SYT14: variants seen among roughly 807,000 people sequenced by gnomAD.
The protein encoded by SYT14 is synaptotagmin-14.
In SYT14, 32 loss-of-function variants were observed where a neutral mutation model predicts 74.2. The observed-to-expected ratio is 0.43, with a 90% CI of 0.33 to 0.58. The LOEUF (loss-of-function observed/expected upper bound fraction) is 0.58. SYT14 is among the 20% of genes least tolerant of loss of function. SYT14 has a pLI of 0.05. For missense variants in SYT14, 791 were observed against 981.8 expected (o/e 0.81, Z 2.60); for synonymous variants, 298 against 337.7 (o/e 0.88, Z 1.29).
At chr1:210,114,591 A>G (rs1392731623) in intron 7 of SYT14, among the ~76,000 whole-genome samples, 1 of 151,272 alleles carries the variant, frequency 6.6e-6, no homozygotes, top group East Asian at 1.9e-4. Context: ...TTGTTGCCAA[A>G]CGGGCCATGA....
intron 5 of SYT14, among the ~76,000 whole-genome samples, chr1:210,050,205 C>T (rs957240555): frequency 2.0e-5 from 3 of 152,136 alleles, no homozygotes; most frequent in South Asian, 2.1e-4. Flanking sequence ...CCGCCAGATA[C>T]CCTAAATCAT....
At chr1:209,951,837 A>C (rs2078916965) in intron 1 of SYT14, among the ~76,000 whole-genome samples, 1 of 152,216 alleles carries the variant, frequency 6.6e-6, no homozygotes, top group Non-Finnish European at 1.5e-5. Flanking sequence ...AAGTAATAAA[A>C]TAGTTTGATC....
chr1:210,047,344 GT>G (rs967941862), intron 5 of SYT14, among the ~76,000 whole-genome samples: 1 of 151,732 alleles, frequency 6.6e-6, no homozygotes, highest in Non-Finnish European at 1.5e-5. Flanking sequence ...CTTAGGTATA[GT>G]TTTTTTTCAT....
chr1:210,036,029 A>G (rs776494324), intron 5 of SYT14, among the ~76,000 whole-genome samples: 3 of 152,048 alleles, frequency 2.0e-5, no homozygotes, highest in African/African-American at 4.8e-5. Flanking sequence ...AGTTCTTCCA[A>G]TCCCTGAGCA....
intron 7 of SYT14, among the ~76,000 whole-genome samples, chr1:210,151,760 G>T (rs777268805): frequency 2.2e-4 from 34 of 152,152 alleles, no homozygotes; most frequent in Non-Finnish European, 3.7e-4. Flanking sequence ...TACTAAAATA[G>T]AATGTGATCA....
At chr1:210,036,515 C>G (rs1032858629) in intron 5 of SYT14, among the ~76,000 whole-genome samples, 1 of 151,820 alleles carries the variant, frequency 6.6e-6, no homozygotes, top group Non-Finnish European at 1.5e-5. Context: ...TGTTCCAGTT[C>G]TTAAGGGGGA....
intron 2 of SYT14, chr1:209,966,125 C>G (rs112227356): frequency 3.8e-5 from 13 of 344,262 alleles, no homozygotes; most frequent in African/African-American, 2.6e-4. Context: ...CTGCCTCAAC[C>G]TCGCAAAGTG....
intron 2 of SYT14, among the ~76,000 whole-genome samples, chr1:210,001,035 C>T (rs185054891): frequency 6.6e-6 from 1 of 152,310 alleles, no homozygotes; most frequent in East Asian, 1.9e-4. Context: ...CTTGTTTTCA[C>T]TGAGGCTCAT....
chr1:209,990,739 T>TTA (rs200953150), intron 2 of SYT14, among the ~76,000 whole-genome samples: 28 of 128,720 alleles, frequency 2.2e-4, no homozygotes, highest in African/African-American at 8.2e-4. Context: ...ATATATACAC[T>TTA]TATATATATA....
At chr1:209,963,724 A>G (rs767405517) in intron 2 of SYT14, among the ~76,000 whole-genome samples, 9 of 152,224 alleles carry the variant, frequency 5.9e-5, no homozygotes, top group Non-Finnish European at 1.2e-4. Flanking sequence ...AAATATATCT[A>G]CAAAATGAGA....
At chr1:209,954,554 G>A (rs1346481497) in intron 2 of SYT14, among the ~76,000 whole-genome samples, 1 of 152,074 alleles carries the variant, frequency 6.6e-6, no homozygotes, top group Non-Finnish European at 1.5e-5. Context: ...AATATTTTTG[G>A]AATTAATGCT....
rs893759745 is a variant in SYT14, at chr1:210,111,909, T to C, written c.2034+11448T>C. Among the ~76,000 whole-genome samples the C allele has an allele frequency of 6.0e-5, 9 of 150,986 alleles. No homozygotes were observed. The East Asian group carries it at 1.5e-3, about 26-fold the overall frequency. Reference sequence around the variant, plus strand: ...CCTTTTTAAGTTGGAGGCTGTGAGGTGAGGTGTGTTTTTAAAAGACCATTA... The same window carrying C: ...CCTTTTTAAGTTGGAGGCTGTGAGGCGAGGTGTGTTTTTAAAAGACCATTA... On this transcript the variant is annotated intron_variant, in intron 7 of 9. Coordinates refer to ENST00000637265, the Ensembl canonical transcript of SYT14.
At position 210,153,062 on chromosome 1, in the gene SYT14, T is replaced by A. The variant is rs191990699; in HGVS notation, c.2035-2659T>A. Among the ~76,000 whole-genome samples, 9 of 152,300 alleles carry A rather than the reference T, an allele frequency of 5.9e-5. No homozygotes were observed. In the East Asian group the frequency reaches 1.7e-3, roughly 29 times the overall value. On this transcript the variant is annotated intron_variant, in intron 7 of 9. Transcript: ENST00000637265. ...TGCTTGGATCCAATATGAGTAATGC[T>A]GCTATGGACATTCTTTCATATGTCT... is the stretch of plus-strand genomic sequence containing the variant.
At chr1:210,109,993 C>T (rs2082231987) in intron 7 of SYT14, among the ~76,000 whole-genome samples, 1 of 152,142 alleles carries the variant, frequency 6.6e-6, no homozygotes, top group South Asian at 2.1e-4. Context: ...TGGAAACCAT[C>T]ATTCTCAGCA....
exon 10 of SYT14, chr1:210,169,547 G>T (rs891873122): frequency 6.6e-6 from 1 of 151,834 alleles, no homozygotes; most frequent in African/African-American, 2.4e-5. Flanking sequence ...AGTAGCTTGC[G>T]TTATAAAATT....
At chr1:210,147,670 T>G (rs954103800) in intron 7 of SYT14, among the ~76,000 whole-genome samples, 2 of 152,050 alleles carry the variant, frequency 1.3e-5, no homozygotes, top group African/African-American at 4.8e-5. Flanking sequence ...TAATTCTAGG[T>G]AAAGAAGAGA....
chr1:210,035,470 T>C (rs528272413), intron 5 of SYT14, among the ~76,000 whole-genome samples: 2 of 152,130 alleles, frequency 1.3e-5, no homozygotes, highest in African/African-American at 4.8e-5. Flanking sequence ...TTTGATGTCT[T>C]AGTCATGAAT....
chr1:210,016,038 C>T (rs1182042512), exon 4 of SYT14: 2 of 1,231,902 alleles, frequency 1.6e-6, no homozygotes, highest in Non-Finnish European at 2.0e-6. Flanking sequence ...CAGAATCTGC[C>T]TTCAGTGTCC....
chr1:210,152,486 T>C (rs988966158), intron 7 of SYT14, among the ~76,000 whole-genome samples: 3 of 152,182 alleles, frequency 2.0e-5, no homozygotes, highest in Non-Finnish European at 4.4e-5. Context: ...TTCTGTATAT[T>C]TATTTTTATC....
Sources: gnomAD v4.1 joint callset for allele counts (sites outside exome capture counted in the v4.1 genomes callset) on GRCh38, gnomAD v4.1.1 for gene constraint, MANE v1.5 for transcripts, NCBI Gene and HGNC (gene_info 2026-07-23, HGNC 2026-07-21) for gene names.